MGAT5: variants seen among roughly 807,000 people sequenced by gnomAD.
The protein encoded by MGAT5 is alpha-1,6-mannosylglycoprotein 6-beta-N-acetylglucosaminyltransferase.
In MGAT5, 30 loss-of-function variants were observed where a neutral mutation model predicts 94.3. The observed-to-expected ratio is 0.32, with a 90% CI of 0.24 to 0.43. MGAT5 has a LOEUF of 0.43. MGAT5 is among the 20% of genes least tolerant of loss of function. MGAT5 has a pLI of 1.00. For synonymous variants in MGAT5, 310 were observed against 322.9 expected, an observed-to-expected ratio of 0.96 and a Z score of 0.43; for missense variants, 691 against 905.5, an observed-to-expected ratio of 0.76 and a Z score of 3.04.
intron 14 of MGAT5, among the ~76,000 whole-genome samples, chr2:134,435,002 A>G (rs1354353566): frequency 6.6e-6 from 1 of 151,996 alleles, no homozygotes; most frequent in African/African-American, 2.4e-5. Flanking sequence ...TTTCATGGGG[A>G]TTTGTTGAAC....
chr2:134,163,448 G>T (rs1223560600), intron 1 of MGAT5, among the ~76,000 whole-genome samples: 1 of 152,188 alleles, frequency 6.6e-6, no homozygotes, highest in South Asian at 2.1e-4. Context: ...TAGAAAGCTG[G>T]TGTAAGCTAC....
intron 4 of MGAT5, among the ~76,000 whole-genome samples, chr2:134,321,887 C>G (rs1011079459): frequency 2.6e-5 from 4 of 152,152 alleles, no homozygotes; most frequent in African/African-American, 9.7e-5. Flanking sequence ...CCCCTTCTTA[C>G]AAGTTTTAAT....
chr2:134,313,251 G>A (rs987155613), intron 2 of MGAT5, among the ~76,000 whole-genome samples: 6 of 152,104 alleles, frequency 3.9e-5, no homozygotes, highest in South Asian at 2.1e-4. Context: ...CCCCCGCTGC[G>A]TGTATTTGTG....
At chr2:134,283,029 A>G (rs1231536397) in intron 2 of MGAT5, among the ~76,000 whole-genome samples, 1 of 151,654 alleles carries the variant, frequency 6.6e-6, no homozygotes, top group Admixed American at 6.6e-5. Context: ...ATCATCTGTC[A>G]TTTATGTTTC....
chr2:134,141,556 A>C (rs1686657799), intron 1 of MGAT5, among the ~76,000 whole-genome samples: 1 of 152,064 alleles, frequency 6.6e-6, no homozygotes. Flanking sequence ...GGAGGAAATA[A>C]ACAAGGTCTT....
At chr2:134,131,197 C>A (rs552089014) in intron 1 of MGAT5, among the ~76,000 whole-genome samples, 1 of 152,204 alleles carries the variant, frequency 6.6e-6, no homozygotes, top group Admixed American at 6.5e-5. Context: ...CGAACATGTC[C>A]GAACATCAGA....
intron 1 of MGAT5, among the ~76,000 whole-genome samples, chr2:134,265,064 A>G (rs1157192322): frequency 6.6e-6 from 1 of 152,196 alleles, no homozygotes; most frequent in Non-Finnish European, 1.5e-5. Context: ...TGAAGATGCA[A>G]CCTGGTAACT....
chr2:134,398,198 C>G (rs981049252), intron 10 of MGAT5, among the ~76,000 whole-genome samples: 1 of 152,194 alleles, frequency 6.6e-6, no homozygotes, highest in African/African-American at 2.4e-5. Context: ...GTTGAAAATT[C>G]TCCAGTGCTC....
At chr2:134,386,551 C>T (rs1412583250) in intron 10 of MGAT5, among the ~76,000 whole-genome samples, 1 of 152,204 alleles carries the variant, frequency 6.6e-6, no homozygotes, top group Non-Finnish European at 1.5e-5. Flanking sequence ...TGCATCTGCC[C>T]TCAGAGGCAC....
At chr2:134,129,728 T>C (rs1198379503) in intron 1 of MGAT5, among the ~76,000 whole-genome samples, 1 of 152,284 alleles carries the variant, frequency 6.6e-6, no homozygotes, top group African/African-American at 2.4e-5. Context: ...CTGAGTACTT[T>C]TTTTACTTGT....
intron 8 of MGAT5, among the ~76,000 whole-genome samples, chr2:134,348,518 A>C (rs1431338073): frequency 6.6e-6 from 1 of 152,212 alleles, no homozygotes; most frequent in Non-Finnish European, 1.5e-5. Context: ...CTTCCTAAAA[A>C]GTCCATTCTC....
intron 1 of MGAT5, among the ~76,000 whole-genome samples, chr2:134,205,235 A>T (rs1342761389): frequency 2.6e-5 from 4 of 152,188 alleles, no homozygotes; most frequent in African/African-American, 9.7e-5. Flanking sequence ...CCTGTGAGTG[A>T]CATCCTCTGA....
chr2:134,129,928 G>A (rs1257102354), intron 1 of MGAT5, among the ~76,000 whole-genome samples: 2 of 152,168 alleles, frequency 1.3e-5, no homozygotes, highest in African/African-American at 4.8e-5. Context: ...CTCTGCTTGC[G>A]GGGAGGTGTG....
chr2:134,449,097 C>T lies in MGAT5; in HGVS notation c.*250C>T, dbSNP rs180794807. On this transcript the variant is annotated 3_prime_UTR_variant, in exon 16 of 16. Transcript: ENST00000281923. The stretch of plus-strand genomic sequence containing the variant: ...CTGGCACAACATCATTTCTGTTTCT[C>T]AAGGAGCAACTGTGGGAAGACTGTC... 5 of 537,450 alleles carry T rather than the reference C, an allele frequency of 9.3e-6. No homozygotes were observed. The Admixed American group carries it at 1.6e-4, about 17-fold the overall frequency. 33.3% of individuals were successfully genotyped at this position (537,450 alleles called of 1,614,324 possible).
chr2:134,224,206 G>T (rs1357872101), intron 1 of MGAT5, among the ~76,000 whole-genome samples: 1 of 152,160 alleles, frequency 6.6e-6, no homozygotes, highest in Non-Finnish European at 1.5e-5. Flanking sequence ...CTTGCTTAGT[G>T]ATAGATACAA....
intron 10 of MGAT5, among the ~76,000 whole-genome samples, chr2:134,363,076 A>T (rs1419434801): frequency 2.0e-5 from 3 of 152,252 alleles, no homozygotes; most frequent in Non-Finnish European, 4.4e-5. Flanking sequence ...TTGACAGGTA[A>T]TGCAGATCTT....
intron 1 of MGAT5, among the ~76,000 whole-genome samples, chr2:134,202,121 C>G (rs538267555): frequency 6.6e-6 from 1 of 152,156 alleles, no homozygotes; most frequent in Admixed American, 6.5e-5. Context: ...CCATCCTCTG[C>G]CACCTGACCC....
At chr2:134,351,131 GA>G (rs1307406681) in intron 9 of MGAT5, among the ~76,000 whole-genome samples, 4 of 152,198 alleles carry the variant, frequency 2.6e-5, no homozygotes, top group Non-Finnish European at 5.9e-5. Context: ...TCAGATTTGT[GA>G]AAGTGTGTTG....
chr2:134,413,716 C>T (rs1414286868), intron 12 of MGAT5, among the ~76,000 whole-genome samples: 1 of 152,162 alleles, frequency 6.6e-6, no homozygotes, highest in African/African-American at 2.4e-5. Flanking sequence ...GATTGATTTT[C>T]TGATTATTTC....
Sources: gnomAD v4.1 joint callset for allele counts (sites outside exome capture counted in the v4.1 genomes callset) on GRCh38, gnomAD v4.1.1 for gene constraint, MANE v1.5 for transcripts, NCBI Gene and HGNC (gene_info 2026-07-23, HGNC 2026-07-21) for gene names.